GEMIN8: variants seen among roughly 807,000 people sequenced by gnomAD.
The protein encoded by GEMIN8 is gem-associated protein 8.
For synonymous variants in GEMIN8, 80 were observed against 78.5 expected (o/e 1.02, Z -0.10); for missense variants, 185 against 205.9 (o/e 0.90, Z 0.62).
downstream of GEMIN8, among the ~76,000 whole-genome samples, chrX:14,006,498 T>A (rs1045477805): frequency 9.0e-6 from 1 of 111,361 alleles, no homozygotes; most frequent in African/African-American, 3.3e-5. Context: ...TTTAACTAAC[T>A]GTGATGGAAG....
the GEMIN8 span, among the ~76,000 whole-genome samples, chrX:13,993,364 C>T: frequency 9.1e-6 from 1 of 110,154 alleles, no homozygotes; most frequent in Non-Finnish European, 1.9e-5. Context: ...GAGATATTTG[C>T]AAACACTGGC....
downstream of GEMIN8, among the ~76,000 whole-genome samples, chrX:14,002,134 G>C (rs371690710): frequency 1.2e-3 from 84 of 70,769 alleles, 1 homozygote; most frequent in African/African-American, 4.3e-3. Context: ...GTTTGTTAAA[G>C]AAACTGGGTC....
chrX:13,992,096 G>C, the GEMIN8 span, among the ~76,000 whole-genome samples: 2 of 112,283 alleles, frequency 1.8e-5, no homozygotes, highest in Non-Finnish European at 3.8e-5. Flanking sequence ...AGCCTGATGG[G>C]AACTCAGACT....
At chrX:13,989,966 T>C in the GEMIN8 span, among the ~76,000 whole-genome samples, 6 of 112,580 alleles carry the variant, frequency 5.3e-5, no homozygotes, top group African/African-American at 1.9e-4. Flanking sequence ...TCCAATGCAC[T>C]GCAAACCAGT....
intron 4 of GEMIN8, among the ~76,000 whole-genome samples, chrX:14,015,163 T>C (rs866665102): frequency 5.4e-5 from 6 of 111,868 alleles, no homozygotes; most frequent in Non-Finnish European, 1.1e-4. Context: ...AGTGGTGGTG[T>C]TTGTTTCAGA....
chrX:13,993,880 C>A, the GEMIN8 span, among the ~76,000 whole-genome samples: 1 of 111,533 alleles, frequency 9.0e-6, no homozygotes, highest in Non-Finnish European at 1.9e-5. Context: ...GTTCTTGGAC[C>A]CCACCCCAGA....
At position 14,020,610 on chromosome X, in the gene GEMIN8, C is replaced by T. The variant is rs1208650634; in HGVS notation, c.16-76G>A. On this transcript the variant is annotated intron_variant, in intron 3 of 4. Coordinates refer to ENST00000680255, the MANE Select transcript of GEMIN8 (RefSeq NM_001042479.2). ...CAAGAGAAATCTTCAAATGTTTAATCTGCTACCCAACAGGTATTTACTTAG... is the reference window on the plus strand; with the variant it reads ...CAAGAGAAATCTTCAAATGTTTAATTTGCTACCCAACAGGTATTTACTTAG... 23 of 664,752 alleles carry T rather than the reference C, an allele frequency of 3.5e-5. No homozygotes were observed. The East Asian group carries it at 7.1e-4, about 21-fold the overall frequency. The allele number at this position is 664,752 out of a possible 1,213,427, so 54.8% of individuals were successfully genotyped here. A position where few individuals can be genotyped will look rare whatever the true frequency, so the allele number is the denominator to read the frequency against.
chrX:14,016,408 CTG>C (rs1465901184), intron 4 of GEMIN8, among the ~76,000 whole-genome samples: 2 of 111,922 alleles, frequency 1.8e-5, no homozygotes, highest in Non-Finnish European at 3.8e-5. Flanking sequence ...GAACTAAAAA[CTG>C]TGTTAATTGC....
the GEMIN8 span, among the ~76,000 whole-genome samples, chrX:13,998,797 G>A: frequency 2.3e-4 from 26 of 111,436 alleles, no homozygotes; most frequent in Non-Finnish European, 4.1e-4. Flanking sequence ...GAAAATTGGG[G>A]CTTATGCTTT....
At chrX:14,017,027 G>T (rs970199396) in intron 4 of GEMIN8, among the ~76,000 whole-genome samples, 1 of 108,001 alleles carries the variant, frequency 9.3e-6, no homozygotes, top group Non-Finnish European at 1.9e-5. Flanking sequence ...CACCAACTTG[G>T]TACCAAGCAC....
chrX:13,988,034 G>A, the GEMIN8 span, among the ~76,000 whole-genome samples: 1 of 111,670 alleles, frequency 9.0e-6, no homozygotes, highest in East Asian at 2.8e-4. Flanking sequence ...GCAGGACTGG[G>A]TCACTGGATT....
In GEMIN8 at chrX:14,008,485, A is replaced by G. The variant is rs16999100; in HGVS notation, c.*428T>C. The G allele has an allele frequency of 0.026, 3,529 of 133,732 alleles. 168 individuals carry two copies. Among genetic ancestry groups the G allele is most frequent in the African/African-American group, 0.11 (3,302 of 30,969 alleles). The allele number at this position is 133,732 out of a possible 1,213,427, so 11.0% of individuals were successfully genotyped here. ...GGTAGTGGTATTTGTCTCACTACAC[A>G]CTTGGCTCATTTTTAGTGGGGGCTA... On this transcript the variant is annotated 3_prime_UTR_variant, in exon 5 of 5. Transcript: ENST00000680255.
chrX:14,019,881 T>C (rs111272320), intron 4 of GEMIN8, among the ~76,000 whole-genome samples, 197 bp downstream of exon 4: 179 of 111,503 alleles, frequency 1.6e-3, no homozygotes, highest in African/African-American at 5.5e-3. Flanking sequence ...AACAAAAAAA[T>C]GTCTTATACT....
the GEMIN8 span, among the ~76,000 whole-genome samples, chrX:13,991,011 T>C: frequency 8.9e-6 from 1 of 112,715 alleles, no homozygotes; most frequent in African/African-American, 3.2e-5. Context: ...AGATTACAGG[T>C]GTGAGCCACT....
At chrX:14,014,543 C>A (rs1041146126) in intron 4 of GEMIN8, 12 of 746,452 alleles carry the variant, frequency 1.6e-5, no homozygotes, top group Non-Finnish European at 1.9e-5. Flanking sequence ...ATATCTGCAC[C>A]AGATGAAACA....
intron 2 of GEMIN8, among the ~76,000 whole-genome samples, chrX:14,024,396 G>A (rs140950618): frequency 0.036 from 3,969 of 111,739 alleles, 89 homozygotes; most frequent in African/African-American, 0.086. Context: ...CTACTTGGGA[G>A]GCTGAGGCAC....
chrX:14,008,799 A>G lies in GEMIN8; in HGVS notation c.*114T>C. The G allele has an allele frequency of 2.7e-6, 2 of 738,739 alleles. No individual in the cohort carries two copies. The highest frequency in any genetic ancestry group is 2.5e-5 in the South Asian group (1 of 39,580). 60.9% of individuals were successfully genotyped at this position (738,739 alleles called of 1,213,427 possible). A position where few individuals can be genotyped will look rare whatever the true frequency, so the allele number is the denominator to read the frequency against. On this transcript the variant is annotated 3_prime_UTR_variant, in exon 5 of 5. Transcript: ENST00000680255. ...GACAGGCCCACTGGGACTGTGGTGA[A>G]CATGCCTGTACCCCAGTACAAAGTC...
At chrX:14,013,850 A>C (rs1345992580) in intron 4 of GEMIN8, 1 of 319,235 alleles carries the variant, frequency 3.1e-6, no homozygotes, top group African/African-American at 2.9e-5. Flanking sequence ...CTGGGAGGCT[A>C]ATACAAGGGT....
chrX:14,011,516 CTTTTTTTTTTTTTT>C (rs575651297), intron 4 of GEMIN8, among the ~76,000 whole-genome samples: 6 of 60,386 alleles, frequency 9.9e-5, no homozygotes, highest in East Asian at 5.0e-4. Flanking sequence ...CTATGGCTCT[CTTTTTTTTTTTTTT>C]TTTTTTTTTT....
Sources: allele counts gnomAD v4.1 joint callset (sites outside exome capture counted in the v4.1 genomes callset), GRCh38; gene constraint gnomAD v4.1.1; transcripts MANE v1.5; gene names NCBI Gene and HGNC (gene_info 2026-07-23, HGNC 2026-07-21).